Variants in GLRA3 observed in about 807,000 individuals in gnomAD.
The protein encoded by GLRA3 is glycine receptor subunit alpha-3.
Under a neutral mutation model 60.4 loss-of-function variants are expected in GLRA3, and 44 were observed. That is an observed-to-expected ratio of 0.73 (90% confidence interval 0.57 to 0.94). The LOEUF (loss-of-function observed/expected upper bound fraction) is 0.94. GLRA3 is among the 40% of genes least tolerant of loss of function. The probability of loss-of-function intolerance (pLI) is 0.00; values close to 1 mark genes in which losing one functional copy is unlikely to be tolerated. For missense variants in GLRA3, 508 were observed against 564.6 expected, an observed-to-expected ratio of 0.90 and a Z score of 1.02; for synonymous variants, 223 against 192.9, an observed-to-expected ratio of 1.16 and a Z score of -1.29.
intron 1 of GLRA3, among the ~76,000 whole-genome samples, chr4:174,812,052 T>C (rs1026378010): frequency 5.9e-5 from 9 of 152,176 alleles, no homozygotes. Flanking sequence ...TCTATGTGTA[T>C]TATCAGAAAA....
intron 5 of GLRA3, among the ~76,000 whole-genome samples, chr4:174,686,814 A>G (rs527412070): frequency 3.3e-5 from 5 of 152,318 alleles, no homozygotes; most frequent in Admixed American, 3.3e-4. Context: ...AAGGTTTATA[A>G]TAGCAATGGG....
intron 2 of GLRA3, among the ~76,000 whole-genome samples, chr4:174,779,491 G>A (rs1045481939): frequency 6.6e-6 from 1 of 152,132 alleles, no homozygotes; most frequent in Non-Finnish European, 1.5e-5. Flanking sequence ...GAGAGAAGGC[G>A]GCTTCAGATG....
At chr4:174,743,983 G>A (rs981593560) in intron 3 of GLRA3, among the ~76,000 whole-genome samples, 1 of 152,190 alleles carries the variant, frequency 6.6e-6, no homozygotes, top group African/African-American at 2.4e-5. Flanking sequence ...AAGCCAGAGG[G>A]CTGCCGGTCT....
intron 1 of GLRA3, among the ~76,000 whole-genome samples, chr4:174,814,900 A>C (rs1740421882): frequency 6.6e-6 from 1 of 152,040 alleles, no homozygotes; most frequent in Non-Finnish European, 1.5e-5. Flanking sequence ...AGATTTCAAA[A>C]CCAATCATGC....
chr4:174,774,669 G>C (rs1184954798), intron 2 of GLRA3, among the ~76,000 whole-genome samples: 1 of 152,126 alleles, frequency 6.6e-6, no homozygotes, highest in Non-Finnish European at 1.5e-5. Context: ...TCAACATCAT[G>C]ACAGTCACAG....
At chr4:174,770,340 A>G (rs1280555702) in intron 2 of GLRA3, among the ~76,000 whole-genome samples, 2 of 152,084 alleles carry the variant, frequency 1.3e-5, no homozygotes, top group Admixed American at 6.6e-5. Context: ...TTCCTAGGTC[A>G]TTATAATGTG....
intron 4 of GLRA3, among the ~76,000 whole-genome samples, chr4:174,725,351 A>T (rs186134132): frequency 6.6e-4 from 100 of 152,062 alleles, no homozygotes; most frequent in African/African-American, 2.4e-3. Flanking sequence ...TAAAATTTTG[A>T]TTTGGTTTCA....
At chr4:174,787,643 G>A (rs1739171722) in intron 2 of GLRA3, among the ~76,000 whole-genome samples, 1 of 143,248 alleles carries the variant, frequency 7.0e-6, no homozygotes, top group African/African-American at 2.6e-5. Context: ...TTTGTATATT[G>A]TACCCTGTAA....
chr4:174,751,395 T>C (rs978408735), intron 3 of GLRA3, among the ~76,000 whole-genome samples: 7 of 152,096 alleles, frequency 4.6e-5, no homozygotes, highest in Admixed American at 3.9e-4. Flanking sequence ...GAAAGTAATA[T>C]GGCCCTTGCA....
chr4:174,662,472 A>T (rs552180182), intron 7 of GLRA3, among the ~76,000 whole-genome samples: 1 of 152,282 alleles, frequency 6.6e-6, no homozygotes, highest in South Asian at 2.1e-4. Flanking sequence ...TATCTTAAGG[A>T]TCAACACCCT....
At chr4:174,649,397 G>A (rs1414611623) in intron 9 of GLRA3, among the ~76,000 whole-genome samples, 1 of 152,154 alleles carries the variant, frequency 6.6e-6, no homozygotes, top group African/African-American at 2.4e-5. Context: ...CCAAATGTAT[G>A]ATTGGAAAGG....
At position 174,679,427 on chromosome 4, in the gene GLRA3, AG is replaced by A. The variant is rs569758669; in HGVS notation, c.713-2136del. Among the ~76,000 whole-genome samples, 19 of 152,334 alleles carry A rather than the reference AG, an allele frequency of 1.2e-4. No individual in the cohort carries two copies. The South Asian group carries it at 3.9e-3, about 32-fold the overall frequency. ...CAAATGCTGATGAGGAAGCAGAGAA[AG>A]GGGAACACTTGTACACCATTGGTGG... On this transcript the variant is annotated intron_variant, in intron 6 of 9. Coordinates refer to ENST00000274093, the MANE Select transcript of GLRA3 (RefSeq NM_006529.4).
At position 174,641,441 on chromosome 4, in the gene GLRA3, T is replaced by C. The variant is rs1732618545; in HGVS notation, c.*2345A>G. The stretch of plus-strand genomic sequence containing the variant: ...TTTAAACATATTGGATTCAGCCACA[T>C]GCACCTTGTCACTGTTGCCTTGTGA... On this transcript the variant is annotated 3_prime_UTR_variant, in exon 10 of 10. Transcript: ENST00000274093. The C allele has an allele frequency of 6.6e-6, 1 of 152,096 alleles. No individual in the cohort carries two copies. Among genetic ancestry groups the C allele is most frequent in the Non-Finnish European group, 1.5e-5 (1 of 67,954 alleles). 9.4% of individuals were successfully genotyped at this position (152,096 alleles called of 1,614,324 possible).
intron 7 of GLRA3, among the ~76,000 whole-genome samples, chr4:174,663,067 T>A (rs1470266156): frequency 6.6e-6 from 1 of 152,110 alleles, no homozygotes; most frequent in Non-Finnish European, 1.5e-5. Context: ...TTCAATTGGG[T>A]TGATTTTCTT....
intron 3 of GLRA3, among the ~76,000 whole-genome samples, chr4:174,755,122 T>C (rs915923355): frequency 3.3e-5 from 5 of 152,244 alleles, no homozygotes; most frequent in South Asian, 2.1e-4. Context: ...ACAGATCATA[T>C]TGCAAAGCAG....
intron 3 of GLRA3, among the ~76,000 whole-genome samples, chr4:174,760,899 A>G (rs1035761939): frequency 3.3e-5 from 5 of 152,222 alleles, no homozygotes; most frequent in African/African-American, 1.2e-4. Flanking sequence ...CCTTGTCTAC[A>G]TATACAAGCA....
intron 3 of GLRA3, among the ~76,000 whole-genome samples, chr4:174,737,424 T>A (rs1049975270): frequency 6.6e-6 from 1 of 152,202 alleles, no homozygotes; most frequent in Non-Finnish European, 1.5e-5. Context: ...GTATTTGACA[T>A]TTGTCCTCAG....
At chr4:174,821,013 G>C (rs917845265) in intron 1 of GLRA3, among the ~76,000 whole-genome samples, 1 of 151,994 alleles carries the variant, frequency 6.6e-6, no homozygotes, top group African/African-American at 2.4e-5. Flanking sequence ...TTGAAATCTT[G>C]CTTTATAACT....
chr4:174,772,594 A>C (rs1038101331), intron 2 of GLRA3, among the ~76,000 whole-genome samples: 3 of 152,206 alleles, frequency 2.0e-5, no homozygotes, highest in Non-Finnish European at 2.9e-5. Flanking sequence ...CATATGCATA[A>C]ATAAGAATAA....
Sources: allele counts gnomAD v4.1 joint callset (sites outside exome capture counted in the v4.1 genomes callset), GRCh38; gene constraint gnomAD v4.1.1; transcripts MANE v1.5; gene names NCBI Gene and HGNC (gene_info 2026-07-23, HGNC 2026-07-21).